CELF2: variants seen among roughly 807,000 people sequenced by gnomAD.
CELF2 encodes CUG triplet repeat RNA-binding protein 2.
Under a neutral mutation model 62.6 loss-of-function variants are expected in CELF2, and 8 were observed. The ratio of observed to expected loss-of-function variants is 0.13; its 90% CI spans 0.07 to 0.23. The LOEUF (loss-of-function observed/expected upper bound fraction) is 0.23, where lower values mean the gene tolerates loss of function less well. Among genes scored for constraint, CELF2 ranks in the 10% least tolerant of loss-of-function variants. The pLI, the probability that CELF2 is intolerant of heterozygous loss-of-function variation, is 1.00. For missense variants in CELF2, 333 were observed against 671.0 expected, an observed-to-expected ratio of 0.50 and a Z score of 5.56; for synonymous variants, 258 against 250.0, an observed-to-expected ratio of 1.03 and a Z score of -0.30.
chr10:10,664,162 C>G, the CELF2 span, among the ~76,000 whole-genome samples: 1 of 152,058 alleles, frequency 6.6e-6, no homozygotes, highest in South Asian at 2.1e-4. Context: ...CAAGCTGAAG[C>G]TAGATTTTCT....
In CELF2 at chr10:11,008,369, C is replaced by T. The variant is rs1375539897; in HGVS notation, c.53+2929C>T. On this transcript the variant is annotated intron_variant, in intron 1 of 12. Coordinates refer to the CELF2 transcript ENST00000416382. This position sits in a 1 kb window ranked among gnomAD's most constrained non-coding sequence, Gnocchi z 4.5. ...GACCACAGACTGAGATCTCTAACCC[C>T]CTGTGTATGAATATTCCTTGATTTG... 6.6e-6 allele frequency among the ~76,000 whole-genome samples: 1 copy of T among 152,172 alleles called. No individual in the cohort carries two copies. The highest frequency in any genetic ancestry group is 2.4e-5 in the African/African-American group (1 of 41,426).
intron 9 of CELF2, 84 bp downstream of exon 9, chr10:11,288,636 G>A: frequency 1.3e-6 from 2 of 1,484,230 alleles, no homozygotes; most frequent in Non-Finnish European, 1.8e-6. Flanking sequence ...GCGAGGGTGA[G>A]GCTAGACGTG....
intron 1 of CELF2, among the ~76,000 whole-genome samples, chr10:11,063,062 A>T (rs546868044): frequency 6.2e-4 from 94 of 152,322 alleles, no homozygotes; most frequent in African/African-American, 2.2e-3. Flanking sequence ...GTATTTTAAC[A>T]TTAAGATACG....
intron 2 of CELF2, chr10:10,948,286 G>A (rs529998848): frequency 6.6e-6 from 1 of 152,386 alleles, no homozygotes; most frequent in African/African-American, 2.4e-5. Flanking sequence ...TAGCCCAGGA[G>A]GTGCCCTCTG....
intron 1 of CELF2, among the ~76,000 whole-genome samples, chr10:10,865,088 A>AT (rs892891372): frequency 6.6e-6 from 1 of 151,950 alleles, no homozygotes; most frequent in African/African-American, 2.4e-5. Context: ...AATGAGGAAA[A>AT]TTTTTTTTCC....
chr10:10,796,255 A>C (rs2131405244), upstream of CELF2, among the ~76,000 whole-genome samples: 1 of 152,252 alleles, frequency 6.6e-6, no homozygotes, highest in Non-Finnish European at 1.5e-5. Flanking sequence ...CTCATAACTT[A>C]CCTCATAAAC....
chr10:10,766,092 C>T, the CELF2 span, among the ~76,000 whole-genome samples: 2 of 152,200 alleles, frequency 1.3e-5, no homozygotes, highest in Non-Finnish European at 1.5e-5. Context: ...CCACTCAGCC[C>T]GGAAACCAGA....
chr10:10,811,228 A>G (rs1211435137), intron 1 of CELF2, among the ~76,000 whole-genome samples: 2 of 152,218 alleles, frequency 1.3e-5, no homozygotes, highest in African/African-American at 4.8e-5. Flanking sequence ...TTCTTTGTTT[A>G]TAAATTAAGT....
At chr10:11,020,587 C>G (rs745448993) in intron 1 of CELF2, among the ~76,000 whole-genome samples, 1 of 152,090 alleles carries the variant, frequency 6.6e-6, no homozygotes, top group Non-Finnish European at 1.5e-5. Context: ...AAATTGCAGT[C>G]GGCTAGATAT....
At chr10:10,897,263 A>G (rs1006907001) in intron 1 of CELF2, among the ~76,000 whole-genome samples, 1 of 152,194 alleles carries the variant, frequency 6.6e-6, no homozygotes, top group Non-Finnish European at 1.5e-5. Context: ...CAAAAGAAAT[A>G]TGTTATCAGG....
chr10:10,520,616 C>T, the CELF2 span, among the ~76,000 whole-genome samples: 1 of 152,060 alleles, frequency 6.6e-6, no homozygotes, highest in Admixed American at 6.6e-5. Flanking sequence ...GAGAATAGGG[C>T]AGGCGTAATA....
Position 11,117,227 on chromosome 10 carries a change from T to C in CELF2, c.75-48259T>C, listed in dbSNP as rs1463939196. 5.9e-5 allele frequency among the ~76,000 whole-genome samples: 9 copies of C among 152,252 alleles called. No homozygotes were observed. Among genetic ancestry groups the C allele is most frequent in the Non-Finnish European group, 7.3e-5 (5 of 68,048 alleles). ...AGGCTCATTAAAGGATTTAGTTGAA[T>C]GCCAAATGTGTGGACTTAGAAGAAC... is the stretch of plus-strand genomic sequence containing the variant. On this transcript the variant is annotated intron_variant, in intron 1 of 12. Coordinates refer to ENST00000633077, the MANE Select transcript of CELF2 (RefSeq NM_001326342.2). This position sits in a 1 kb window ranked among gnomAD's most constrained non-coding sequence, Gnocchi z 4.1.
Position 11,315,833 on chromosome 10 carries a change from G to A in CELF2, c.1096+1575G>A, listed in dbSNP as rs188208422. On this transcript the variant is annotated intron_variant, in intron 10 of 12. Coordinates refer to ENST00000633077, the MANE Select transcript of CELF2 (RefSeq NM_001326342.2). The surrounding 1 kb of genome is among the most constrained non-coding windows in gnomAD (Gnocchi z 5.8). ...TCTGACCTTGTCCTTCACCTAGGTC[G>A]AGGACGCGTGTGCTCGCACACATCC... Among the ~76,000 whole-genome samples the A allele has an allele frequency of 2.5e-3, 387 of 152,316 alleles. 5 individuals carry two copies. The highest frequency in any genetic ancestry group is 9.0e-3 in the African/African-American group (374 of 41,560).
rs1201524424 is a variant in CELF2 at position 11,237,472 on chromosome 10, A to G, written c.355-11681A>G. On this transcript the variant is annotated intron_variant, in intron 3 of 12. Coordinates refer to ENST00000633077, the MANE Select transcript of CELF2 (RefSeq NM_001326342.2). This position sits in a 1 kb window ranked among gnomAD's most constrained non-coding sequence, Gnocchi z 4.0. ...ATCCTGGGAAGCAGTGTAAGAGATC[A>G]GGGTGGACAGAGTCGAGCCCTGCAA... Among the ~76,000 whole-genome samples the G allele has an allele frequency of 6.6e-6, 1 of 152,164 alleles. No homozygotes were observed. Among genetic ancestry groups the G allele is most frequent in the African/African-American group, 2.4e-5 (1 of 41,424 alleles).
the CELF2 span, among the ~76,000 whole-genome samples, chr10:10,605,283 C>T: frequency 1.4e-5 from 2 of 144,678 alleles, no homozygotes; most frequent in South Asian, 2.3e-4. Flanking sequence ...GGGTGGGGTT[C>T]GGGGAGGGAG....
At chr10:10,703,170 T>G in the CELF2 span, among the ~76,000 whole-genome samples, 1 of 152,240 alleles carries the variant, frequency 6.6e-6, no homozygotes, top group Non-Finnish European at 1.5e-5. Context: ...ATATTTATAG[T>G]TCTTACCATG....
At chr10:10,512,978 A>G in the CELF2 span, among the ~76,000 whole-genome samples, 6 of 152,192 alleles carry the variant, frequency 3.9e-5, no homozygotes, top group Non-Finnish European at 4.4e-5. Context: ...TCAAGGCCCC[A>G]CAGTTCACTG....
At chr10:10,522,755 A>G in the CELF2 span, among the ~76,000 whole-genome samples, 1 of 152,138 alleles carries the variant, frequency 6.6e-6, no homozygotes, top group African/African-American at 2.4e-5. Context: ...TTTTTAGTAG[A>G]GATGGGGTTT....
At position 11,224,994 on chromosome 10, in the gene CELF2, G is replaced by A. The variant is rs113943543; in HGVS notation, c.354+7487G>A. Among the ~76,000 whole-genome samples the A allele has an allele frequency of 0.021, 3,250 of 152,208 alleles. 53 individuals are homozygous for A. The highest frequency in any genetic ancestry group is 0.032 in the Non-Finnish European group (2,200 of 68,016). ...GCGCGCTGGACACTTACAGGAGGGC[G>A]GTGTGGGGAGGGAAAGAAGTTTCGT... On this transcript the variant is annotated intron_variant, in intron 3 of 12. Transcript: ENST00000633077. This position sits in a 1 kb window ranked among gnomAD's most constrained non-coding sequence, Gnocchi z 4.5.
Sources: gnomAD v4.1 joint callset for allele counts (sites outside exome capture counted in the v4.1 genomes callset) on GRCh38, gnomAD v4.1.1 for gene constraint, Gnocchi (gnomAD v3.1) non-coding constraint, MANE v1.5 for transcripts, NCBI Gene and HGNC (gene_info 2026-07-23, HGNC 2026-07-21) for gene names.